The following NTNG1 variants were observed in gnomAD, a reference collection of about 807,000 sequenced individuals.
NTNG1 encodes netrin G1.
Under a neutral mutation model 54.0 loss-of-function variants are expected in NTNG1, and 16 were observed. That is an observed-to-expected ratio of 0.30 (90% CI 0.20 to 0.45). The LOEUF is 0.45. NTNG1 is among the 20% of genes least tolerant of loss of function. The pLI is 1.00. For missense variants in NTNG1, 530 were observed against 678.7 expected (o/e 0.78, Z 2.43); for synonymous variants, 255 against 263.1 (o/e 0.97, Z 0.30).
chr1:107,369,619 A>G (rs1670802764), intron 3 of NTNG1, among the ~76,000 whole-genome samples: 1 of 152,124 alleles, frequency 6.6e-6, no homozygotes, highest in African/African-American at 2.4e-5. Context: ...TGAGTTCAGA[A>G]AGGTCTTTAT....
chr1:107,152,970 A>G (rs938185730), intron 2 of NTNG1, among the ~76,000 whole-genome samples: 2 of 152,222 alleles, frequency 1.3e-5, no homozygotes, highest in Non-Finnish European at 2.9e-5. Context: ...GAAATTTACT[A>G]ATGTGTGCCT....
intron 7 of NTNG1, among the ~76,000 whole-genome samples, chr1:107,477,929 T>G (rs1414761558): frequency 6.6e-6 from 1 of 152,216 alleles, no homozygotes; most frequent in Non-Finnish European, 1.5e-5. Context: ...CTTATAGATA[T>G]TTTATCATCC....
chr1:107,415,026 A>G (rs1489269875), intron 5 of NTNG1, among the ~76,000 whole-genome samples: 3 of 152,136 alleles, frequency 2.0e-5, no homozygotes, highest in Non-Finnish European at 2.9e-5. Context: ...TTTATTTTTT[A>G]AAGGAGGCAG....
At chr1:107,290,963 T>TTA (rs71976757) in intron 2 of NTNG1, among the ~76,000 whole-genome samples, 3,782 of 142,472 alleles carry the variant, frequency 0.027, 53 homozygotes, top group Non-Finnish European at 0.03. Flanking sequence ...TATATATATA[T>TTA]TATATATATA....
At chr1:107,443,836 T>C (rs1676135137) in intron 7 of NTNG1, among the ~76,000 whole-genome samples, 1 of 152,106 alleles carries the variant, frequency 6.6e-6, no homozygotes, top group South Asian at 2.1e-4. Context: ...TAGTTTCCAA[T>C]AGCACCTTGA....
intron 2 of NTNG1, among the ~76,000 whole-genome samples, chr1:107,161,535 C>T (rs1655394497): frequency 6.6e-6 from 1 of 151,892 alleles, no homozygotes; most frequent in Non-Finnish European, 1.5e-5. Flanking sequence ...ATGGTGTGCA[C>T]CTGTAATTCC....
intron 7 of NTNG1, among the ~76,000 whole-genome samples, chr1:107,474,754 G>A (rs769790591): frequency 2.0e-5 from 3 of 152,090 alleles, no homozygotes; most frequent in Non-Finnish European, 4.4e-5. Flanking sequence ...AAAAGAAAGG[G>A]TCAGCCCACC....
chr1:107,425,381 T>G (rs971675888), intron 5 of NTNG1, among the ~76,000 whole-genome samples: 3 of 152,060 alleles, frequency 2.0e-5, no homozygotes, highest in African/African-American at 7.2e-5. Flanking sequence ...TCCATCTTTA[T>G]GTCCGTATGT....
chr1:107,438,040 A>G (rs1446799548), intron 7 of NTNG1, among the ~76,000 whole-genome samples: 1 of 152,196 alleles, frequency 6.6e-6, no homozygotes, highest in Non-Finnish European at 1.5e-5. Flanking sequence ...ATTCTATAAA[A>G]TAAATTCTTC....
intron 5 of NTNG1, among the ~76,000 whole-genome samples, chr1:107,418,913 G>C (rs940370706): frequency 2.0e-5 from 3 of 151,972 alleles, no homozygotes; most frequent in African/African-American, 7.2e-5. Context: ...CTAGACTTCT[G>C]TTACCACCAC....
intron 2 of NTNG1, among the ~76,000 whole-genome samples, chr1:107,243,568 G>T (rs560133587): frequency 2.6e-5 from 4 of 152,212 alleles, no homozygotes; most frequent in Admixed American, 1.3e-4. Context: ...TTTGTGTTTC[G>T]TTTTTTGAGA....
chr1:107,435,684 A>T (rs779474337), intron 6 of NTNG1, among the ~76,000 whole-genome samples: 80 of 152,126 alleles, frequency 5.3e-4, no homozygotes, highest in Non-Finnish European at 9.7e-4. Context: ...GTATAGTTTT[A>T]TTTGGTTTTT....
intron 7 of NTNG1, among the ~76,000 whole-genome samples, chr1:107,462,815 T>G (rs1677360051): frequency 6.6e-6 from 1 of 152,370 alleles, no homozygotes; most frequent in Non-Finnish European, 1.5e-5. Context: ...TTGGTACCTA[T>G]TCTCATCTTC....
At chr1:107,477,726 GAT>G (rs1297748164) in intron 7 of NTNG1, among the ~76,000 whole-genome samples, 2 of 22,614 alleles carry the variant, frequency 8.8e-5, no homozygotes, top group African/African-American at 1.6e-4. Context: ...GTTTTTTGTA[GAT>G]TTTTTTTATA....
intron 7 of NTNG1, among the ~76,000 whole-genome samples, chr1:107,465,145 G>T (rs1677520608): frequency 6.6e-6 from 1 of 152,174 alleles, no homozygotes; most frequent in South Asian, 2.1e-4. Flanking sequence ...ACAGTCTCAG[G>T]AATTACTGAA....
At chr1:107,285,479 A>G (rs1458568157) in intron 2 of NTNG1, among the ~76,000 whole-genome samples, 2 of 152,062 alleles carry the variant, frequency 1.3e-5, no homozygotes, top group Non-Finnish European at 2.9e-5. Context: ...GATTATTGAG[A>G]GCTAAGATGT....
At chr1:107,172,606 A>G (rs1464147296) in intron 2 of NTNG1, among the ~76,000 whole-genome samples, 1 of 152,166 alleles carries the variant, frequency 6.6e-6, no homozygotes, top group Admixed American at 6.5e-5. Flanking sequence ...CTGTCACTAT[A>G]AAAGAAAAGA....
intron 2 of NTNG1, among the ~76,000 whole-genome samples, chr1:107,308,805 C>CT (rs1354241961): frequency 2.6e-5 from 4 of 151,944 alleles, no homozygotes; most frequent in Admixed American, 2.0e-4. Context: ...TTTTCCACTT[C>CT]TTTGATCAAT....
At chr1:107,332,876 C>T (rs1246816495) in intron 3 of NTNG1, among the ~76,000 whole-genome samples, 1 of 152,024 alleles carries the variant, frequency 6.6e-6, no homozygotes, top group Non-Finnish European at 1.5e-5. Context: ...TTCTACCTCC[C>T]TTTTATAGGT....
Sources: allele counts gnomAD v4.1 joint callset (sites outside exome capture counted in the v4.1 genomes callset), GRCh38; gene constraint gnomAD v4.1.1; transcripts MANE v1.5; gene names NCBI Gene and HGNC (gene_info 2026-07-23, HGNC 2026-07-21).